SORCS3: variants seen among roughly 807,000 people sequenced by gnomAD.
SORCS3 encodes sortilin related VPS10 domain containing receptor 3.
SORCS3 carries 57 observed loss-of-function variants against 146.3 expected under a neutral mutation model. That is an observed-to-expected ratio of 0.39 (90% CI 0.31 to 0.49). The LOEUF (loss-of-function observed/expected upper bound fraction) is 0.49, where lower values mean the gene tolerates loss of function less well. SORCS3 is among the 20% of genes least tolerant of loss of function. SORCS3 has a pLI of 0.92. For synonymous variants in SORCS3, 653 were observed against 618.5 expected (o/e 1.06, Z -0.83); for missense variants, 1,341 against 1,575.5 (o/e 0.85, Z 2.52).
chr10:105,172,081 T>G (rs2056365007), intron 13 of SORCS3, among the ~76,000 whole-genome samples: 1 of 152,220 alleles, frequency 6.6e-6, no homozygotes, highest in South Asian at 2.1e-4. Context: ...TAAATCTACT[T>G]GTAATCTCTG....
intron 1 of SORCS3, among the ~76,000 whole-genome samples, chr10:104,698,183 A>G (rs2016239187): frequency 6.6e-6 from 1 of 152,022 alleles, no homozygotes; most frequent in Non-Finnish European, 1.5e-5. Flanking sequence ...CATTCTTGTG[A>G]AGTAAGGAAG....
intron 1 of SORCS3, among the ~76,000 whole-genome samples, chr10:104,688,350 G>C (rs556257120): frequency 3.9e-5 from 6 of 152,204 alleles, no homozygotes; most frequent in Non-Finnish European, 8.8e-5. Flanking sequence ...CAGAGGCTGC[G>C]TGTGTGGGGG....
intron 4 of SORCS3, among the ~76,000 whole-genome samples, chr10:105,013,540 C>A (rs1268193549): frequency 6.6e-6 from 1 of 151,922 alleles, no homozygotes; most frequent in Non-Finnish European, 1.5e-5. Flanking sequence ...TATTCCCCAG[C>A]AATAATGAGT....
At chr10:104,787,204 C>T (rs2017447121) in intron 1 of SORCS3, among the ~76,000 whole-genome samples, 1 of 152,152 alleles carries the variant, frequency 6.6e-6, no homozygotes, top group Non-Finnish European at 1.5e-5. Flanking sequence ...GGATGTGAGG[C>T]AGCTGGGGGT....
At chr10:104,890,083 A>G (rs77003474) in intron 2 of SORCS3, among the ~76,000 whole-genome samples, 7,902 of 151,514 alleles carry the variant, frequency 0.052, 634 homozygotes, top group African/African-American at 0.18. Flanking sequence ...CTTTTTTTCT[A>G]TATTCTTATG....
chr10:105,113,241 C>T (rs146061678), intron 7 of SORCS3, among the ~76,000 whole-genome samples: 6 of 152,238 alleles, frequency 3.9e-5, no homozygotes, highest in East Asian at 3.9e-4. Context: ...ACAGCTGAAC[C>T]GTGTGGAATG....
chr10:104,688,504 G>A (rs1339501508), intron 1 of SORCS3, among the ~76,000 whole-genome samples: 1 of 152,256 alleles, frequency 6.6e-6, no homozygotes, highest in Non-Finnish European at 1.5e-5. Flanking sequence ...ATACGTGCAG[G>A]AGTGCAGCGG....
At chr10:105,094,546 C>G (rs1472358261) in intron 6 of SORCS3, among the ~76,000 whole-genome samples, 2 of 152,154 alleles carry the variant, frequency 1.3e-5, no homozygotes, top group African/African-American at 4.8e-5. Context: ...AGGGGACACA[C>G]AGGTGAATGT....
rs1052575354 is a variant in SORCS3, at chr10:104,808,508, A to G, written c.628-34284A>G. ...ATGTATGATTTGGGTTTTGAAGGAT[A>G]GGCATTCACCTGTAATGGATGATGG... On this transcript the variant is annotated intron_variant, in intron 1 of 26. Coordinates refer to ENST00000369701, the MANE Select transcript of SORCS3 (RefSeq NM_014978.3). 2.0e-5 allele frequency among the ~76,000 whole-genome samples: 3 copies of G among 152,166 alleles called. No homozygotes were observed. The East Asian group carries it at 5.8e-4, about 29-fold the overall frequency.
intron 2 of SORCS3, among the ~76,000 whole-genome samples, chr10:104,843,150 TA>T (rs1327939209): frequency 6.6e-6 from 1 of 152,166 alleles, no homozygotes; most frequent in African/African-American, 2.4e-5. Context: ...AGAGATCAGA[TA>T]AACATGCACG....
At chr10:104,991,103 A>G (rs2054991282) in intron 4 of SORCS3, among the ~76,000 whole-genome samples, 1 of 152,162 alleles carries the variant, frequency 6.6e-6, no homozygotes, top group South Asian at 2.1e-4. Flanking sequence ...GAGACGGTGC[A>G]TCCAGGACAT....
At chr10:104,752,835 G>C (rs754416539) in intron 1 of SORCS3, among the ~76,000 whole-genome samples, 7 of 152,108 alleles carry the variant, frequency 4.6e-5, no homozygotes, top group Admixed American at 6.5e-5. Flanking sequence ...GAGAGTTTAA[G>C]TATTTTCTAT....
chr10:104,846,422 T>A (rs931384343), intron 2 of SORCS3, among the ~76,000 whole-genome samples: 12 of 152,206 alleles, frequency 7.9e-5, no homozygotes, highest in African/African-American at 2.7e-4. Context: ...AGCTTCATGA[T>A]TCGGCCTAAC....
At chr10:105,087,899 T>C (rs975379464) in intron 5 of SORCS3, among the ~76,000 whole-genome samples, 2 of 152,224 alleles carry the variant, frequency 1.3e-5, no homozygotes, top group African/African-American at 4.8e-5. Flanking sequence ...TTTTATTTCA[T>C]TGGTCTGGCG....
intron 9 of SORCS3, among the ~76,000 whole-genome samples, chr10:105,153,433 A>G (rs541427468): frequency 5.9e-5 from 9 of 152,204 alleles, no homozygotes; most frequent in African/African-American, 2.2e-4. Flanking sequence ...CTTGACCATA[A>G]ATTTTTATTT....
chr10:104,667,877 AC>A (rs2015801478), intron 1 of SORCS3, among the ~76,000 whole-genome samples: 1 of 151,992 alleles, frequency 6.6e-6, no homozygotes, highest in East Asian at 1.9e-4. Context: ...TTTGCCATGG[AC>A]CTCCTCTGGG....
chr10:104,704,827 C>T (rs929828092), intron 1 of SORCS3, among the ~76,000 whole-genome samples: 4 of 152,156 alleles, frequency 2.6e-5, no homozygotes, highest in Non-Finnish European at 5.9e-5. Flanking sequence ...TCCCCAAATG[C>T]ACTATGTGCC....
At chr10:104,915,186 T>A (rs115939209) in intron 2 of SORCS3, among the ~76,000 whole-genome samples, 2 of 152,150 alleles carry the variant, frequency 1.3e-5, no homozygotes, top group East Asian at 1.9e-4. Context: ...AGCAGGATCA[T>A]TGGAGTGATG....
At chr10:104,850,912 G>A (rs1189675467) in intron 2 of SORCS3, among the ~76,000 whole-genome samples, 1 of 152,182 alleles carries the variant, frequency 6.6e-6, no homozygotes, top group Non-Finnish European at 1.5e-5. Flanking sequence ...TGCTGGTGAA[G>A]TTGCAATCCA....
Sources: gnomAD v4.1 joint callset for allele counts (sites outside exome capture counted in the v4.1 genomes callset) on GRCh38, gnomAD v4.1.1 for gene constraint, MANE v1.5 for transcripts, NCBI Gene and HGNC (gene_info 2026-07-23, HGNC 2026-07-21) for gene names.